The following STARD13 variants were observed in gnomAD, a reference collection of about 807,000 sequenced individuals.
STARD13 encodes StAR related lipid transfer domain containing 13.
In STARD13, 62 loss-of-function variants were observed where a neutral mutation model predicts 106.4. The observed-to-expected ratio is 0.58, with a 90% CI of 0.48 to 0.72. STARD13 has a LOEUF of 0.72. STARD13 is among the 30% of genes least tolerant of loss of function. The probability of loss-of-function intolerance (pLI) is 0.00; values close to 1 mark genes in which losing one functional copy is unlikely to be tolerated. For missense variants in STARD13, 1,387 were observed against 1,424.0 expected, an observed-to-expected ratio of 0.97 and a Z score of 0.42; for synonymous variants, 565 against 553.0, an observed-to-expected ratio of 1.02 and a Z score of -0.31.
chr13:33,609,979 A>T, the STARD13 span, among the ~76,000 whole-genome samples: 1 of 152,216 alleles, frequency 6.6e-6, no homozygotes, highest in Admixed American at 6.5e-5. Context: ...TGGGGAAAAA[A>T]GTCATGCTCC....
At chr13:33,277,793 T>C (rs1366565253) in intron 1 of STARD13, 1 of 152,194 alleles carries the variant, frequency 6.6e-6, no homozygotes, top group Non-Finnish European at 1.5e-5. Context: ...GTATTCTTGA[T>C]GTTATAATTA....
chr13:33,634,630 C>A, the STARD13 span, among the ~76,000 whole-genome samples: 1 of 152,156 alleles, frequency 6.6e-6, no homozygotes, highest in Admixed American at 6.5e-5. Flanking sequence ...GAGGTCACTA[C>A]ACTGCTTCTA....
At chr13:33,147,606 C>T (rs1880723291) in intron 3 of STARD13, among the ~76,000 whole-genome samples, 1 of 152,122 alleles carries the variant, frequency 6.6e-6, no homozygotes, top group South Asian at 2.1e-4. Flanking sequence ...CAACAATGAC[C>T]ACCCTGGGAA....
At chr13:33,362,771 A>G in the STARD13 span, among the ~76,000 whole-genome samples, 1 of 148,816 alleles carries the variant, frequency 6.7e-6, no homozygotes, top group Non-Finnish European at 1.5e-5. Context: ...GTATGTCCAC[A>G]TAATATTTTG....
chr13:33,145,886 A>G (rs112708863), intron 3 of STARD13, among the ~76,000 whole-genome samples: 2 of 152,206 alleles, frequency 1.3e-5, no homozygotes, highest in East Asian at 1.9e-4. Flanking sequence ...TGAGGTCACA[A>G]AAATGTTCTG....
intron 1 of STARD13, among the ~76,000 whole-genome samples, chr13:33,269,052 CG>C (rs1426103200): frequency 6.6e-6 from 1 of 152,092 alleles, no homozygotes; most frequent in Non-Finnish European, 1.5e-5. Flanking sequence ...GCCACATAAG[CG>C]CTTTCTTTCC....
At chr13:33,414,814 A>G in the STARD13 span, among the ~76,000 whole-genome samples, 1 of 152,304 alleles carries the variant, frequency 6.6e-6, no homozygotes, top group South Asian at 2.1e-4. Context: ...AGGGATATAG[A>G]ATTATTAGGA....
chr13:33,619,063 G>C, the STARD13 span, among the ~76,000 whole-genome samples: 28 of 152,096 alleles, frequency 1.8e-4, no homozygotes, highest in African/African-American at 6.7e-4. Flanking sequence ...GCCATGTAAA[G>C]TTAGAAGACA....
At chr13:33,332,783 T>C (rs2077851832) in intron 1 of STARD13, among the ~76,000 whole-genome samples, 1 of 152,180 alleles carries the variant, frequency 6.6e-6, no homozygotes, top group Non-Finnish European at 1.5e-5. Flanking sequence ...AACACTTACA[T>C]ATAGTTATTA....
At chr13:33,515,834 G>C in the STARD13 span, among the ~76,000 whole-genome samples, 1 of 152,042 alleles carries the variant, frequency 6.6e-6, no homozygotes, top group Non-Finnish European at 1.5e-5. Flanking sequence ...TAAATGTTTT[G>C]ATAAAACAAA....
chr13:33,267,580 C>T (rs1330478527), intron 1 of STARD13, among the ~76,000 whole-genome samples: 1 of 152,164 alleles, frequency 6.6e-6, no homozygotes, highest in Non-Finnish European at 1.5e-5. Flanking sequence ...GCACCTGACA[C>T]AGAGTAGCTA....
At chr13:33,272,402 G>A (rs951358560) in intron 1 of STARD13, 17 of 152,166 alleles carry the variant, frequency 1.1e-4, no homozygotes, top group African/African-American at 4.1e-4. Context: ...ACCTGCATAA[G>A]TATATTGTTA....
At chr13:33,246,152 G>A (rs1455782678) in intron 1 of STARD13, among the ~76,000 whole-genome samples, 1 of 152,146 alleles carries the variant, frequency 6.6e-6, no homozygotes, top group East Asian at 1.9e-4. Flanking sequence ...TGTGTTCATA[G>A]ACATAAATGC....
chr13:33,361,934 T>C, the STARD13 span, among the ~76,000 whole-genome samples: 1 of 152,174 alleles, frequency 6.6e-6, no homozygotes, highest in Non-Finnish European at 1.5e-5. Flanking sequence ...TATGAGAAAA[T>C]ACTATATTTT....
At chr13:33,583,271 C>A in the STARD13 span, among the ~76,000 whole-genome samples, 1 of 152,268 alleles carries the variant, frequency 6.6e-6, no homozygotes, top group South Asian at 2.1e-4. Flanking sequence ...AACATAGAAA[C>A]AAACCCTATT....
In STARD13 at chr13:33,136,343, T is replaced by G. The variant is rs118173192; in HGVS notation, c.387+5967A>C. On this transcript the variant is annotated intron_variant, in intron 4 of 13. Transcript: ENST00000336934. The stretch of plus-strand genomic sequence containing the variant: ...ATCTGAACAGTTTTTGTAATTCTTT[T>G]CTATTGATAGAAGCAGGAGGCAGTC... 8.6e-4 allele frequency among the ~76,000 whole-genome samples: 131 copies of G among 152,296 alleles called. 1 individual carries two copies. The highest frequency in any genetic ancestry group is 9.6e-4 in the Non-Finnish European group (65 of 68,022).
chr13:33,397,429 G>T, the STARD13 span, among the ~76,000 whole-genome samples: 1 of 152,156 alleles, frequency 6.6e-6, no homozygotes, highest in Non-Finnish European at 1.5e-5. Flanking sequence ...GGGAGACAGT[G>T]CAGATGTCAA....
chr13:33,486,694 T>C, the STARD13 span, among the ~76,000 whole-genome samples: 2 of 152,168 alleles, frequency 1.3e-5, no homozygotes, highest in Non-Finnish European at 2.9e-5. Flanking sequence ...CACACTTCTT[T>C]GCCTCATCAC....
rs925510491 is a variant in STARD13, at chr13:33,206,959, T to C, written c.170-39337A>G. On this transcript the variant is annotated intron_variant, in intron 1 of 13. Transcript: ENST00000336934. Reference sequence around the variant, plus strand: ...CCTCGAACATGAAAGGCACAGAGTATGCTCTGGAGACCTCACAGATGACAG... The same window carrying C: ...CCTCGAACATGAAAGGCACAGAGTACGCTCTGGAGACCTCACAGATGACAG... Among the ~76,000 whole-genome samples the C allele has an allele frequency of 3.3e-5, 5 of 152,220 alleles. No individual in the cohort carries two copies. The South Asian group carries it at 1.0e-3, about 32-fold the overall frequency.
Sources: gnomAD v4.1 joint callset for allele counts (sites outside exome capture counted in the v4.1 genomes callset) on GRCh38, gnomAD v4.1.1 for gene constraint, MANE v1.5 for transcripts, NCBI Gene and HGNC (gene_info 2026-07-23, HGNC 2026-07-21) for gene names.